The following IFI44L variants were observed in gnomAD, a reference collection of about 807,000 sequenced individuals.
The protein encoded by IFI44L is interferon induced protein 44 like, also known as interferon-induced protein 44-like.
IFI44L carries 40 observed loss-of-function variants against 39.3 expected under a neutral mutation model. The ratio of observed to expected loss-of-function variants is 1.02; its 90% confidence interval spans 0.79 to 1.33. IFI44L has a LOEUF of 1.33. Among genes scored for constraint, IFI44L ranks in the 40% most tolerant of loss-of-function variants. IFI44L has a pLI of 0.00. For missense variants in IFI44L, 623 were observed against 549.0 expected, an observed-to-expected ratio of 1.13 and a Z score of -1.35; for synonymous variants, 198 against 182.3, an observed-to-expected ratio of 1.09 and a Z score of -0.69.
chr1:78,624,981 C>G (rs1178617175), intron 1 of IFI44L, among the ~76,000 whole-genome samples: 2 of 151,606 alleles, frequency 1.3e-5, no homozygotes, highest in African/African-American at 4.8e-5. Context: ...TATGTGTGTT[C>G]TTAAGTCTAA....
chr1:78,626,469 C>G (rs972901446), intron 1 of IFI44L: 1 of 151,934 alleles, frequency 6.6e-6, no homozygotes, highest in Admixed American at 6.6e-5. Flanking sequence ...GAATGAGAGT[C>G]ACTGAATATT....
intron 7 of IFI44L, 59 bp from the exon 8 acceptor site, chr1:78,641,376 T>C (rs1646982091): frequency 6.8e-7 from 1 of 1,479,706 alleles, no homozygotes; most frequent in Admixed American, 2.0e-5. Context: ...GTATTTAAAA[T>C]TGGTCAAATT....
intron 4 of IFI44L, among the ~76,000 whole-genome samples, chr1:78,630,825 A>T (rs1652722707): frequency 6.6e-6 from 1 of 152,120 alleles, no homozygotes; most frequent in Admixed American, 6.6e-5. Flanking sequence ...GCTTTATTTT[A>T]ATATATTAGT....
chr1:78,637,408 A>C (rs528155379), intron 6 of IFI44L, among the ~76,000 whole-genome samples: 156 of 152,194 alleles, frequency 1.0e-3, no homozygotes, highest in Middle Eastern at 3.4e-3. Context: ...TAGACTGGCC[A>C]ACCATTTTTT....
At chr1:78,626,739 T>A (rs1314414076) in intron 1 of IFI44L, 1 of 152,002 alleles carries the variant, frequency 6.6e-6, no homozygotes, top group Non-Finnish European at 1.5e-5. Context: ...TTTACGTGGA[T>A]GAATTATATA....
rs1351396210 is a variant in IFI44L at position 78,641,423 on chromosome 1, T to C, written c.1150-12T>C. The C allele has an allele frequency of 5.6e-6, 9 of 1,607,688 alleles. No homozygotes were observed. Among genetic ancestry groups the C allele is most frequent in the East Asian group, 2.2e-5 (1 of 44,788 alleles). Reference sequence around the variant, plus strand: ...ATACAGGACTTACACTTTTTAAATATACTTTCCACAGGTCATGAATGTCCA... The same window carrying C: ...ATACAGGACTTACACTTTTTAAATACACTTTCCACAGGTCATGAATGTCCA... On this transcript the variant is annotated splice_polypyrimidine_tract_variant and intron_variant, in intron 7 of 8. Coordinates refer to ENST00000370751, the MANE Select transcript of IFI44L (RefSeq NM_006820.4).
At position 78,643,645 on chromosome 1, in the gene IFI44L, T is replaced by G. The variant is rs1012613477; in HGVS notation, c.*1836T>G. ...TTTTTTGTTTGTTTTGTTTTTTTTT[T>G]GTTGTTGTTTTTTTTTTTTTTTGTT... On this transcript the variant is annotated 3_prime_UTR_variant, in exon 9 of 9. Transcript: ENST00000370751. 3 of 95,838 alleles carry G rather than the reference T, an allele frequency of 3.1e-5. No homozygotes were observed. Among genetic ancestry groups the G allele is most frequent in the African/African-American group, 8.8e-5 (3 of 34,268 alleles). The allele number at this position is 95,838 out of a possible 1,614,324, so 5.9% of individuals were successfully genotyped here.
At chr1:78,623,698 G>C (rs189666691) in intron 1 of IFI44L, among the ~76,000 whole-genome samples, 11 of 152,224 alleles carry the variant, frequency 7.2e-5, no homozygotes, top group Admixed American at 7.2e-4. Flanking sequence ...GGAGCCAGTG[G>C]TGGAACTCCC....
intron 1 of IFI44L, chr1:78,620,772 T>C (rs1201355893): frequency 6.6e-6 from 1 of 152,218 alleles, no homozygotes; most frequent in Non-Finnish European, 1.5e-5. Context: ...AAATTATTGT[T>C]AACTATAGTT....
Position 78,642,021 on chromosome 1 carries a change from C to T in IFI44L, c.*212C>T, listed in dbSNP as rs1282036277. On this transcript the variant is annotated 3_prime_UTR_variant, in exon 9 of 9. Coordinates refer to ENST00000370751, the MANE Select transcript of IFI44L (RefSeq NM_006820.4). ...CAAACCACCCCTCCATATTTCCGTA[C>T]CATTTACAATTCAGTTTCTGTGACA... 9 of 609,808 alleles carry T rather than the reference C, an allele frequency of 1.5e-5. No individual in the cohort carries two copies. Among genetic ancestry groups the T allele is most frequent in the Non-Finnish European group, 2.6e-5 (9 of 340,100 alleles). 37.8% of individuals were successfully genotyped at this position (609,808 alleles called of 1,614,324 possible).
In IFI44L at chr1:78,642,058, C is replaced by T. The variant is rs1646993553; in HGVS notation, c.*249C>T. On this transcript the variant is annotated 3_prime_UTR_variant, in exon 9 of 9. Transcript: ENST00000370751. ...CAGTTTCTGTGACATCTTTTTAAAC[C>T]ACTGGAGGAAAAATGAGATATTCTC... 1 of 570,896 alleles carries T rather than the reference C, an allele frequency of 1.8e-6. No individual in the cohort carries two copies. The highest frequency in any genetic ancestry group is 1.9e-5 in the African/African-American group (1 of 52,924). The allele number at this position is 570,896 out of a possible 1,614,324, so 35.4% of individuals were successfully genotyped here. A position where few individuals can be genotyped will look rare whatever the true frequency, so the allele number is the denominator to read the frequency against.
rs1293390332 is a variant in IFI44L, at chr1:78,645,692, C to A, written c.*3883C>A. 6.6e-6 allele frequency: 1 copy of A among 152,166 alleles called. No homozygotes were observed. Among genetic ancestry groups the A allele is most frequent in the Non-Finnish European group, 1.5e-5 (1 of 68,046 alleles). The allele number at this position is 152,166 out of a possible 1,614,324, so 9.4% of individuals were successfully genotyped here. On this transcript the variant is annotated 3_prime_UTR_variant, in exon 9 of 9. Coordinates refer to ENST00000370751, the MANE Select transcript of IFI44L (RefSeq NM_006820.4). ...AATTTGGAAGCCCTCAAATCCCATT[C>A]CTAATCTGATGAGTCTATGGACCAA...
Position 78,628,983 on chromosome 1 carries a change from A to G in IFI44L, c.511A>G (p.Ile171Val), listed in dbSNP as rs1295366323. 1 of 1,577,802 alleles carries G rather than the reference A, an allele frequency of 6.3e-7. No homozygotes were observed. The highest frequency in any genetic ancestry group is 1.1e-5 in the South Asian group (1 of 90,238). Residue 171 changes from isoleucine to valine, a missense_variant, in exon 3 of 9, where the codon ATA becomes GTA. By Grantham distance (29) the Ile-to-Val change is conservative (BLOSUM62 3). Coordinates refer to ENST00000370751, the MANE Select transcript of IFI44L (RefSeq NM_006820.4). ...GGATAACCTAGACGACATAAAGAGG[A>G]TAATTAAAGCCAGAGAGTAAGTTGG... Reference protein sequence around the residue: ...IKDNLDDIKRIIKAREHRNRL... With the variant: ...IKDNLDDIKRVIKAREHRNRL...
intron 1 of IFI44L, among the ~76,000 whole-genome samples, chr1:78,623,013 T>A (rs1477970561): frequency 4.6e-5 from 7 of 152,240 alleles, no homozygotes; most frequent in Non-Finnish European, 1.0e-4. Flanking sequence ...TTTAAGTCTC[T>A]AAACGTATGA....
rs958445520 is a variant in IFI44L, at chr1:78,629,658, G to A, written c.528-62G>A. 4.0e-6 allele frequency: 5 copies of A among 1,236,278 alleles called. No individual in the cohort carries two copies. The South Asian group carries it at 5.1e-5, about 13-fold the overall frequency. 76.6% of individuals were successfully genotyped at this position (1,236,278 alleles called of 1,614,324 possible). A position where few individuals can be genotyped will look rare whatever the true frequency, so the allele number is the denominator to read the frequency against. On this transcript the variant is annotated intron_variant, in intron 3 of 8. Coordinates refer to ENST00000370751, the MANE Select transcript of IFI44L (RefSeq NM_006820.4). ...AAAGAAGCTCTAGGTGACTTGAGAT[G>A]TTCTTTATGGTATTCTTTATTGGCT...
Position 78,643,999 on chromosome 1 carries a change from T to A in IFI44L, c.*2190T>A, listed in dbSNP as rs1439769525. 1 of 152,132 alleles carries A rather than the reference T, an allele frequency of 6.6e-6. No homozygotes were observed. Among genetic ancestry groups the A allele is most frequent in the Non-Finnish European group, 1.5e-5 (1 of 68,012 alleles). The allele number at this position is 152,132 out of a possible 1,614,324, so 9.4% of individuals were successfully genotyped here. On this transcript the variant is annotated 3_prime_UTR_variant, in exon 9 of 9. Transcript: ENST00000370751. ...TGTAGTGGTTAATGTTTGCTGTTCA[T>A]TAGGATGGTTTCACAGTTACCATAC...
chr1:78,644,761 C>T lies in IFI44L; in HGVS notation c.*2952C>T, dbSNP rs1385664113. Reference sequence around the variant, plus strand: ...TAGTGCTAAGGAGTATAGCAGATGACCTATATGTGTGTTGGCTGGGAGAAT... The same window carrying T: ...TAGTGCTAAGGAGTATAGCAGATGATCTATATGTGTGTTGGCTGGGAGAAT... On this transcript the variant is annotated 3_prime_UTR_variant, in exon 9 of 9. Transcript: ENST00000370751. 6.6e-6 allele frequency: 1 copy of T among 152,080 alleles called. No homozygotes were observed. The highest frequency in any genetic ancestry group is 2.4e-5 in the African/African-American group (1 of 41,394). 9.4% of individuals were successfully genotyped at this position (152,080 alleles called of 1,614,324 possible). A position where few individuals can be genotyped will look rare whatever the true frequency, so the allele number is the denominator to read the frequency against.
At chr1:78,630,159 C>CA in intron 4 of IFI44L, 5 of 386,930 alleles carry the variant, frequency 1.3e-5, no homozygotes, top group South Asian at 4.9e-5. Context: ...TAAAAAACAA[C>CA]AAAAAATTAA....
In IFI44L at chr1:78,644,612, G is replaced by C. The variant is rs570150802; in HGVS notation, c.*2803G>C. ...CCTGATCTTTTTCTACCACCCTGAG[G>C]GGTGGTGGGAATTATCATTTTGCTA... On this transcript the variant is annotated 3_prime_UTR_variant, in exon 9 of 9. Transcript: ENST00000370751. The C allele has an allele frequency of 6.6e-6, 1 of 152,282 alleles. No homozygotes were observed. The highest frequency in any genetic ancestry group is 2.1e-4 in the South Asian group (1 of 4,830). 9.4% of individuals were successfully genotyped at this position (152,282 alleles called of 1,614,324 possible).
Sources: gnomAD v4.1 joint callset for allele counts (sites outside exome capture counted in the v4.1 genomes callset) on GRCh38, gnomAD v4.1.1 for gene constraint, MANE v1.5 for transcripts, NCBI Gene and HGNC (gene_info 2026-07-23, HGNC 2026-07-21) for gene names.